The following AIFM2 variants were observed in gnomAD, a reference collection of about 807,000 sequenced individuals.
AIFM2 encodes the protein ferroptosis suppressor protein 1.
A neutral mutation model predicts 35.7 loss-of-function variants in AIFM2; 38 were observed. That is an observed-to-expected ratio of 1.06 (90% CI 0.82 to 1.39). AIFM2 has a LOEUF of 1.39. Among genes scored for constraint, AIFM2 ranks in the 40% most tolerant of loss-of-function variants. The pLI, the probability that AIFM2 is intolerant of heterozygous loss-of-function variation, is 0.00. For synonymous variants in AIFM2, 185 were observed against 203.5 expected (o/e 0.91, Z 0.77); for missense variants, 476 against 491.2 (o/e 0.97, Z 0.29).
chr10:70,122,272 G>A (rs930279918), intron 3 of AIFM2, among the ~76,000 whole-genome samples: 1 of 152,110 alleles, frequency 6.6e-6, no homozygotes, highest in Non-Finnish European at 1.5e-5. Flanking sequence ...TGCCCTCATG[G>A]AATCTTCCAG....
Position 70,117,347 on chromosome 10 carries a change from C to A in AIFM2, c.616+465G>T, listed in dbSNP as rs145504352. 6.6e-6 allele frequency among the ~76,000 whole-genome samples: 1 copy of A among 152,330 alleles called. No individual in the cohort carries two copies. Among genetic ancestry groups the A allele is most frequent in the East Asian group, 1.9e-4 (1 of 5,170 alleles). ...TAGGGGCCACAGCGCTGGAAGAGAA[C>A]CTCACTTTCCAGCATTTGCTGGGTG... On this transcript the variant is annotated intron_variant, in intron 6 of 8. Coordinates refer to ENST00000307864, the MANE Select transcript of AIFM2 (RefSeq NM_032797.6). The surrounding 1 kb of genome is among the most constrained non-coding windows in gnomAD (Gnocchi z 4.7).
At chr10:70,119,799 C>G (rs1181691584) in intron 5 of AIFM2, among the ~76,000 whole-genome samples, 2 of 152,242 alleles carry the variant, frequency 1.3e-5, no homozygotes, top group Admixed American at 1.3e-4. Flanking sequence ...AAGCTCTCGC[C>G]TAGAGGACCT....
At position 70,123,519 on chromosome 10, in the gene AIFM2, C is replaced by A. The variant is rs1162504739; in HGVS notation, c.180G>T (p.Gly60=). 2 of 1,613,884 alleles carry A rather than the reference C, an allele frequency of 1.2e-6. No homozygotes were observed. The highest frequency in any genetic ancestry group is 2.2e-5 in the South Asian group (2 of 91,078). ...AAGAAATGAATGTCTTTTTGGCGAA[C>A]CCTGGGGAAGGGACACAGAAGAGGT... is the stretch of plus-strand genomic sequence containing the variant. The part of the protein sequence containing the change: ...VAALRASVET[G]FAKKTFISYS... The change falls in exon 3 of 9, where the codon GGG becomes GGT. Residue 60 remains glycine, a splice_region_variant and synonymous_variant. Coordinates refer to ENST00000307864, the MANE Select transcript of AIFM2 (RefSeq NM_032797.6).
intron 4 of AIFM2, 148 bp from the exon 5 acceptor site, chr10:70,120,747 C>T (rs1001790666): frequency 3.7e-5 from 32 of 861,874 alleles, no homozygotes; most frequent in Non-Finnish European, 5.2e-5. Flanking sequence ...TGCTTCCTCC[C>T]ACCCACCTCG....
At chr10:70,122,254 C>G (rs957066018) in intron 3 of AIFM2, among the ~76,000 whole-genome samples, 3 of 152,172 alleles carry the variant, frequency 2.0e-5, no homozygotes, top group Non-Finnish European at 4.4e-5. Flanking sequence ...TCCCCTGAAC[C>G]TCCAAGATGC....
chr10:70,117,921 C>T lies in AIFM2; in HGVS notation c.508-1G>A. The T allele has an allele frequency of 6.2e-7, 1 of 1,606,688 alleles. No individual in the cohort carries two copies. The highest frequency in any genetic ancestry group is 8.5e-7 in the Non-Finnish European group (1 of 1,176,664). ...CCACTTGGGAGTGAATGAGAGTGAC[C>T]TGAGGACAAAACGACCACAGGGCCT... On this transcript the variant is annotated splice_acceptor_variant, in intron 5 of 8. Coordinates refer to ENST00000307864, the MANE Select transcript of AIFM2 (RefSeq NM_032797.6). LOFTEE classifies it high-confidence loss of function. This position sits in a 1 kb window ranked among gnomAD's most constrained non-coding sequence, Gnocchi z 4.7.
rs763323262 is a variant in AIFM2, at chr10:70,116,815, G to A, written c.617-41C>T. 5.0e-6 allele frequency: 8 copies of A among 1,609,356 alleles called. No homozygotes were observed. The East Asian group carries it at 1.8e-4, about 36-fold the overall frequency. On this transcript the variant is annotated intron_variant, in intron 6 of 8. Coordinates refer to ENST00000307864, the MANE Select transcript of AIFM2 (RefSeq NM_032797.6). Reference sequence around the variant, plus strand: ...TGACCAGGAGGCTGGTGGGGACAGGGACCCCATCAAGCCTGGACCCCAGGC... The same window carrying A: ...TGACCAGGAGGCTGGTGGGGACAGGAACCCCATCAAGCCTGGACCCCAGGC...
chr10:70,120,423 C>T, intron 5 of AIFM2, 84 bp downstream of exon 5: 1 of 1,385,900 alleles, frequency 7.2e-7, no homozygotes, highest in Non-Finnish European at 1.0e-6. Context: ...GACTTCTCTG[C>T]CCTGAGCAAA....
intron 1 of AIFM2, among the ~76,000 whole-genome samples, chr10:70,127,440 G>A (rs1258509864): frequency 6.6e-6 from 1 of 152,218 alleles, no homozygotes; most frequent in Non-Finnish European, 1.5e-5. Context: ...TTGGGCCAGA[G>A]GCCCAGTGGC....
Position 70,115,238 on chromosome 10 carries a change from C to A in AIFM2, c.770-118G>T, listed in dbSNP as rs1344778081. On this transcript the variant is annotated intron_variant, in intron 7 of 8. Transcript: ENST00000307864. ...AATAGGTGCTGGTCAGGTCACCCTC[C>A]TGAGGCATGACCACCCCCTGGAGGT... 127 of 1,098,452 alleles carry A rather than the reference C, an allele frequency of 1.2e-4. 3 individuals are homozygous for A. In the South Asian group the frequency reaches 1.5e-3, roughly 13 times the overall value. 68.0% of individuals were successfully genotyped at this position (1,098,452 alleles called of 1,614,324 possible).
intron 1 of AIFM2, among the ~76,000 whole-genome samples, chr10:70,129,327 G>C (rs4746964): frequency 0.98 from 148,988 of 152,064 alleles, 73,006 homozygotes; most frequent in East Asian, 1. Flanking sequence ...GCCTGGCACA[G>C]AGTAGCAATG....
chr10:70,120,895 A>T (rs2072494683), intron 4 of AIFM2, among the ~76,000 whole-genome samples, 197 bp downstream of exon 4: 1 of 152,200 alleles, frequency 6.6e-6, no homozygotes, highest in Non-Finnish European at 1.5e-5. Context: ...GAGCAGGTTT[A>T]GGGTGCTCAC....
rs145070950 is a variant in AIFM2, at chr10:70,114,211, C to A, written c.1089G>T (p.Thr363=). 9 of 1,613,726 alleles carry A rather than the reference C, an allele frequency of 5.6e-6. No homozygotes were observed. Among genetic ancestry groups the A allele is most frequent in the African/African-American group, 1.3e-5 (1 of 74,980 alleles). Residue 363 remains threonine, a synonymous_variant, in exon 9 of 9, where the codon ACG becomes ACT. Coordinates refer to ENST00000307864, the MANE Select transcript of AIFM2 (RefSeq NM_032797.6). The part of the protein sequence containing the change: ...LTKSRDLFVS[T]SWKTMRQSPP ...GAGACTGCCTCATGGTTTTCCAGCT[C>A]GTAGAGACGAACAGGTCCCGGCTCT...
Position 70,121,183 on chromosome 10 carries a change from G to C in AIFM2, c.323C>G (p.Ala108Gly), listed in dbSNP as rs11540332. 1 of 1,596,592 alleles carries C rather than the reference G, an allele frequency of 6.3e-7. No individual in the cohort carries two copies. Among genetic ancestry groups the C allele is most frequent in the Non-Finnish European group, 8.5e-7 (1 of 1,172,598 alleles). ...CGGGAAGGGCCCAGTGCTGCCCGTG[G>C]CCAGGATAAGATGAGAGAAGGGCAG... ...EALPFSHLIL[A>G]TGSTGPFPGK... Residue 108 changes from alanine (A) to glycine (G), a missense_variant, in exon 4 of 9, where the codon GCC becomes GGC. By Grantham distance (60) the Ala-to-Gly change is moderately conservative. Transcript: ENST00000307864.
intron 1 of AIFM2, 113 bp from the exon 2 acceptor site, chr10:70,124,210 CT>C (rs2072541941): frequency 1.3e-6 from 1 of 769,564 alleles, no homozygotes; most frequent in Non-Finnish European, 1.8e-6. Context: ...TGAGGTAAAT[CT>C]TTGATTAATG....
At chr10:70,132,343 G>A (rs538562381) in intron 1 of AIFM2, among the ~76,000 whole-genome samples, 140 of 152,286 alleles carry the variant, frequency 9.2e-4, no homozygotes, top group African/African-American at 3.1e-3. Flanking sequence ...TGTCCGGACC[G>A]GCCGCTTCTA....
chr10:70,116,201 A>G (rs957624291), intron 7 of AIFM2, among the ~76,000 whole-genome samples: 1 of 152,044 alleles, frequency 6.6e-6, no homozygotes, highest in East Asian at 1.9e-4. Flanking sequence ...CATGTTACCA[A>G]CCCCACTCCC....
intron 8 of AIFM2, 128 bp from the exon 9 acceptor site, chr10:70,114,457 G>A (rs1564550577): frequency 8.4e-7 from 1 of 1,195,312 alleles, no homozygotes. Flanking sequence ...TTAGGAAGGT[G>A]GGTGAGACCC....
In AIFM2 at chr10:70,120,564, T is replaced by A; in HGVS notation, c.450A>T (p.Gly150=). The A allele has an allele frequency of 6.2e-7, 1 of 1,614,074 alleles. No homozygotes were observed. The part of the protein sequence containing the change: ...QRSRFIVVVG[G]GSAGVEMAAE... ...CTGCCATCTCCACTCCAGCCGAGCC[T>A]CCTCCCACCACCACGATGAACCGTG... Residue 150 remains glycine (G), a synonymous_variant, in exon 5 of 9, where the codon GGA becomes GGT. Transcript: ENST00000307864.
Sources: allele counts gnomAD v4.1 joint callset (sites outside exome capture counted in the v4.1 genomes callset), GRCh38; gene constraint gnomAD v4.1.1; non-coding constraint Gnocchi (gnomAD v3.1); transcripts MANE v1.5; gene names NCBI Gene and HGNC (gene_info 2026-07-23, HGNC 2026-07-21).